Variants in AKAP7 observed in about 807,000 individuals in gnomAD.
The protein encoded by AKAP7 is A-kinase anchoring protein 7.
In AKAP7, 39 loss-of-function variants were observed where a neutral mutation model predicts 39.5. The observed-to-expected ratio is 0.99, with a 90% CI of 0.76 to 1.29. The LOEUF (loss-of-function observed/expected upper bound fraction) is 1.29, where lower values mean the gene tolerates loss of function less well. Ranked by LOEUF, AKAP7 falls within the 50% of genes most tolerant of loss-of-function variation. The probability of loss-of-function intolerance (pLI) is 0.00; values close to 1 mark genes in which losing one functional copy is unlikely to be tolerated. For synonymous variants in AKAP7, 140 were observed against 139.1 expected, an observed-to-expected ratio of 1.01 and a Z score of -0.05; for missense variants, 414 against 407.7, an observed-to-expected ratio of 1.02 and a Z score of -0.13.
intron 7 of AKAP7, among the ~76,000 whole-genome samples, chr6:131,233,842 G>A (rs1307926172): frequency 2.0e-5 from 3 of 152,258 alleles, no homozygotes; most frequent in East Asian, 3.9e-4. Flanking sequence ...TAGAATTTAC[G>A]AAACCTCTAT....
At chr6:131,162,991 G>T (rs1326083426) in intron 3 of AKAP7, among the ~76,000 whole-genome samples, 1 of 145,194 alleles carries the variant, frequency 6.9e-6, no homozygotes, top group African/African-American at 2.5e-5. Flanking sequence ...ACACATACAC[G>T]CTCTTTCGCT....
chr6:131,172,469 GC>G (rs1804166479), intron 5 of AKAP7, among the ~76,000 whole-genome samples: 1 of 152,084 alleles, frequency 6.6e-6, no homozygotes. Flanking sequence ...TCCTGCCTCA[GC>G]TACAGGTGTG....
chr6:131,261,723 T>C (rs982332970), intron 7 of AKAP7, among the ~76,000 whole-genome samples: 5 of 152,192 alleles, frequency 3.3e-5, no homozygotes, highest in African/African-American at 1.2e-4. Flanking sequence ...AGCTCATAGC[T>C]GTTCCTTTGT....
At chr6:131,141,026 G>A (rs1584929444) in intron 1 of AKAP7, among the ~76,000 whole-genome samples, 1 of 152,280 alleles carries the variant, frequency 6.6e-6, no homozygotes, top group East Asian at 1.9e-4. Context: ...AATATAAATA[G>A]TAACATTATT....
intron 4 of AKAP7, among the ~76,000 whole-genome samples, 200 bp from the exon 5 acceptor site, chr6:131,168,913 T>A (rs1803761779): frequency 1.3e-5 from 2 of 152,306 alleles, no homozygotes; most frequent in Admixed American, 6.5e-5. Context: ...TAGGTAAAGA[T>A]TTCTTTACTT....
At chr6:131,128,643 C>T in the AKAP7 span, among the ~76,000 whole-genome samples, 4 of 151,730 alleles carry the variant, frequency 2.6e-5, no homozygotes, top group Admixed American at 1.3e-4. Flanking sequence ...GCTAACATGG[C>T]GAAACCCCAT....
rs1815254152 is a variant in AKAP7 at position 131,282,185 on chromosome 6, C to CATAATGT, written c.*460_*466dup. ...GGAATTGTCATCTGTACAATTAGTC[C>CATAATGT]ATAATGTTTCATGTTTGTCCTAAGT... On this transcript the variant is annotated 3_prime_UTR_variant, in exon 8 of 8. Transcript: ENST00000431975. 5 of 1,270,896 alleles carry CATAATGT rather than the reference C, an allele frequency of 3.9e-6. No homozygotes were observed. In the Admixed American group the frequency reaches 1.9e-4, roughly 48 times the overall value. 78.7% of individuals were successfully genotyped at this position (1,270,896 alleles called of 1,614,324 possible).
At chr6:131,143,586 G>T (rs2128226193) in intron 1 of AKAP7, among the ~76,000 whole-genome samples, 1 of 152,182 alleles carries the variant, frequency 6.6e-6, no homozygotes, top group South Asian at 2.1e-4. Context: ...CCAGCCTCAG[G>T]TATTCCTTTA....
chr6:131,135,880 G>C, intron 1 of AKAP7, 98 bp downstream of exon 1: 1 of 1,183,222 alleles, frequency 8.5e-7, no homozygotes, highest in Non-Finnish European at 1.1e-6. Flanking sequence ...CCTGACCCGC[G>C]CCGGCCCTTC....
intron 7 of AKAP7, among the ~76,000 whole-genome samples, chr6:131,277,110 C>T (rs995355144): frequency 1.3e-5 from 2 of 152,128 alleles, no homozygotes; most frequent in Non-Finnish European, 2.9e-5. Flanking sequence ...ATCATAGGTA[C>T]GAACCCTGGA....
At chr6:131,128,475 A>C in the AKAP7 span, among the ~76,000 whole-genome samples, 1 of 152,182 alleles carries the variant, frequency 6.6e-6, no homozygotes, top group African/African-American at 2.4e-5. Context: ...AAAGGCTTGT[A>C]ATAATTTAGA....
chr6:131,257,456 G>A (rs556873923), intron 7 of AKAP7, among the ~76,000 whole-genome samples: 1 of 151,500 alleles, frequency 6.6e-6, no homozygotes, highest in Non-Finnish European at 1.5e-5. Flanking sequence ...CACTTGGAAT[G>A]TCAGACCTTG....
rs2128237068 is a variant in AKAP7 at position 131,159,098 on chromosome 6, TA to T, written c.152-960del. Among the ~76,000 whole-genome samples the T allele has an allele frequency of 2.6e-5, 4 of 152,118 alleles. No homozygotes were observed. In the East Asian group the frequency reaches 7.8e-4, roughly 30 times the overall value. ...GATCAGTTTATTTTATTTTATTTTT[TA>T]TTTTTTATTTTTGAGACGGAGTCTC... On this transcript the variant is annotated intron_variant, in intron 2 of 7. Transcript: ENST00000431975.
chr6:131,169,124 C>T lies in AKAP7; in HGVS notation c.440C>T (p.Ala147Val). ...NEDEVNIGID[A>V]LLELKPFIEE... ...TTATTTCTTACTAGTGGTATTGATG[C>T]TCTTTTGGAATTGAAACCATTCATA... The change falls in exon 5 of 8, where the codon GCT (alanine) becomes GTT (valine). Residue 147 changes from alanine (A) to valine (V), a missense_variant. By Grantham distance (64) the Ala-to-Val change is moderately conservative (BLOSUM62 0). Transcript: ENST00000431975. 6.2e-7 allele frequency: 1 copy of T among 1,610,404 alleles called. No homozygotes were observed. The highest frequency in any genetic ancestry group is 8.5e-7 in the Non-Finnish European group (1 of 1,177,074).
chr6:131,146,955 C>T (rs1269290143), intron 2 of AKAP7, among the ~76,000 whole-genome samples: 1 of 152,190 alleles, frequency 6.6e-6, no homozygotes, highest in African/African-American at 2.4e-5. Context: ...CTGTTGACAG[C>T]TATCATCTCA....
At chr6:131,150,264 G>A (rs750441306) in intron 2 of AKAP7, among the ~76,000 whole-genome samples, 9 of 152,186 alleles carry the variant, frequency 5.9e-5, no homozygotes, top group Non-Finnish European at 8.8e-5. Context: ...AATAACTGAA[G>A]ATTTTGGAGA....
intron 1 of AKAP7, among the ~76,000 whole-genome samples, chr6:131,142,213 C>T (rs111873282): frequency 0.048 from 7,354 of 152,232 alleles, 300 homozygotes; most frequent in African/African-American, 0.1. Context: ...AAAATGGAGG[C>T]AATTCCTAAT....
At chr6:131,273,764 C>A in intron 7 of AKAP7, among the ~76,000 whole-genome samples, 1 of 152,112 alleles carries the variant, frequency 6.6e-6, no homozygotes, top group East Asian at 1.9e-4. Flanking sequence ...CTGAGTAGAT[C>A]TAAATTTCTC....
intron 7 of AKAP7, chr6:131,252,983 T>G: frequency 1.3e-6 from 2 of 1,581,684 alleles, no homozygotes; most frequent in Non-Finnish European, 1.7e-6. Context: ...TATGGAGAAT[T>G]TGATGAGTTT....
Sources: allele counts gnomAD v4.1 joint callset (sites outside exome capture counted in the v4.1 genomes callset), GRCh38; gene constraint gnomAD v4.1.1; transcripts MANE v1.5; gene names NCBI Gene and HGNC (gene_info 2026-07-23, HGNC 2026-07-21).